KCNAB1: variants seen among roughly 807,000 people sequenced by gnomAD.
KCNAB1 encodes the protein voltage-gated potassium channel subunit beta-1.
Under a neutral mutation model 64.6 loss-of-function variants are expected in KCNAB1, and 35 were observed. That is an observed-to-expected ratio of 0.54 (90% CI 0.41 to 0.72). KCNAB1 has a LOEUF of 0.72. Among genes scored for constraint, KCNAB1 ranks in the 30% least tolerant of loss-of-function variants. The probability of loss-of-function intolerance (pLI) is 0.00; values close to 1 mark genes in which losing one functional copy is unlikely to be tolerated. For missense variants in KCNAB1, 401 were observed against 512.9 expected (o/e 0.78, Z 2.11); for synonymous variants, 177 against 183.8 (o/e 0.96, Z 0.30).
chr3:156,361,276 T>C (rs1725594802), intron 1 of KCNAB1, among the ~76,000 whole-genome samples: 1 of 152,054 alleles, frequency 6.6e-6, no homozygotes, highest in Non-Finnish European at 1.5e-5. Flanking sequence ...TCCCTAGCCA[T>C]CCACGTGGCT....
chr3:156,469,429 T>C (rs1356955911), intron 7 of KCNAB1, among the ~76,000 whole-genome samples: 1 of 151,944 alleles, frequency 6.6e-6, no homozygotes, highest in African/African-American at 2.4e-5. Context: ...GCTAATTTTT[T>C]TGTATTTTTA....
intron 1 of KCNAB1, among the ~76,000 whole-genome samples, chr3:156,359,325 A>G (rs1218052992): frequency 1.3e-5 from 2 of 152,158 alleles, no homozygotes; most frequent in African/African-American, 4.8e-5. Flanking sequence ...TTATGATATG[A>G]TAGTCCTCAG....
At chr3:156,127,918 T>TGTGTGTGTGTGC (rs33965119) in intron 1 of KCNAB1, among the ~76,000 whole-genome samples, 6 of 149,848 alleles carry the variant, frequency 4.0e-5, no homozygotes, top group African/African-American at 7.4e-5. Context: ...TGTGTGTGTG[T>TGTGTGTGTGTGC]GCACGTGCGT....
At chr3:156,243,511 A>T (rs1263480024) in intron 1 of KCNAB1, among the ~76,000 whole-genome samples, 6 of 152,224 alleles carry the variant, frequency 3.9e-5, no homozygotes, top group Non-Finnish European at 8.8e-5. Flanking sequence ...TATAGGCATG[A>T]GCCACCACGC....
chr3:156,423,005 A>T (rs1218245536), intron 2 of KCNAB1, among the ~76,000 whole-genome samples: 1 of 152,206 alleles, frequency 6.6e-6, no homozygotes, highest in Non-Finnish European at 1.5e-5. Flanking sequence ...CCAAGAATTG[A>T]CCATCGGGTT....
At chr3:156,330,314 C>G (rs76198189) in intron 1 of KCNAB1, among the ~76,000 whole-genome samples, 9,580 of 152,064 alleles carry the variant, frequency 0.063, 378 homozygotes, top group East Asian at 0.13. Flanking sequence ...CCCATTTCTT[C>G]CCATTAAAAA....
At position 156,335,030 on chromosome 3, in the gene KCNAB1, A is replaced by C. The variant is rs111894071; in HGVS notation, c.276-86586A>C. Among the ~76,000 whole-genome samples the C allele has an allele frequency of 1.1e-3, 170 of 152,328 alleles. 1 individual carries two copies. The highest frequency in any genetic ancestry group is 4.0e-3 in the African/African-American group (166 of 41,578). On this transcript the variant is annotated intron_variant, in intron 1 of 13. Coordinates refer to ENST00000490337, the MANE Select transcript of KCNAB1 (RefSeq NM_172160.3). The stretch of plus-strand genomic sequence containing the variant: ...GCTGCTAAATTGGTCTTCCAGAAAC[A>C]AATCGGATCACAATGCTTTCCTGCT...
chr3:156,158,526 T>C (rs1022835552), intron 1 of KCNAB1, among the ~76,000 whole-genome samples: 3 of 152,200 alleles, frequency 2.0e-5, no homozygotes, highest in African/African-American at 7.2e-5. Context: ...TTATCAGATA[T>C]AACTTGTTTT....
intron 1 of KCNAB1, among the ~76,000 whole-genome samples, chr3:156,184,731 C>T (rs1713081209): frequency 6.6e-6 from 1 of 152,182 alleles, no homozygotes; most frequent in African/African-American, 2.4e-5. Context: ...TCCTCTTTGC[C>T]TTCCTCCACC....
intron 1 of KCNAB1, among the ~76,000 whole-genome samples, chr3:156,356,492 A>T (rs182829635): frequency 6.9e-4 from 105 of 152,290 alleles, no homozygotes; most frequent in Admixed American, 2.6e-3. Flanking sequence ...AACCCCAAAG[A>T]GGGGCGGTGA....
intron 1 of KCNAB1, among the ~76,000 whole-genome samples, chr3:156,318,256 TACTC>T (rs1722419957): frequency 6.6e-6 from 1 of 152,176 alleles, no homozygotes; most frequent in South Asian, 2.1e-4. Flanking sequence ...TACTTGAAAA[TACTC>T]AGTTTTCATT....
At chr3:156,401,787 T>C (rs1713911322) in intron 1 of KCNAB1, among the ~76,000 whole-genome samples, 2 of 152,204 alleles carry the variant, frequency 1.3e-5, no homozygotes, top group Admixed American at 6.5e-5. Flanking sequence ...TAGAATATGT[T>C]CTTCTCTACA....
At chr3:156,288,775 C>A (rs973597048) in intron 1 of KCNAB1, among the ~76,000 whole-genome samples, 1 of 152,240 alleles carries the variant, frequency 6.6e-6, no homozygotes, top group Admixed American at 6.5e-5. Flanking sequence ...CTCATCTACA[C>A]ACAAGAGGTG....
At chr3:156,538,832 G>GAT (rs1719258349), downstream of KCNAB1, 2 of 152,120 alleles carry the variant, frequency 1.3e-5, no homozygotes, top group Admixed American at 6.5e-5. Flanking sequence ...AATCAATGGA[G>GAT]ATTAACTACT....
At chr3:156,281,424 C>A (rs1719705721) in intron 1 of KCNAB1, among the ~76,000 whole-genome samples, 1 of 149,988 alleles carries the variant, frequency 6.7e-6, no homozygotes, top group South Asian at 2.1e-4. Flanking sequence ...GTCTAAAATT[C>A]TCTTTTTTTG....
chr3:156,531,343 G>A (rs996782877), intron 12 of KCNAB1, 66 bp from the exon 13 acceptor site: 1 of 1,143,314 alleles, frequency 8.7e-7, no homozygotes, highest in African/African-American at 1.5e-5. Flanking sequence ...GCTGTAGCAG[G>A]TGTTTATAAG....
At chr3:156,439,630 ACT>A (rs1716856230) in intron 2 of KCNAB1, among the ~76,000 whole-genome samples, 1 of 152,088 alleles carries the variant, frequency 6.6e-6, no homozygotes, top group African/African-American at 2.4e-5. Flanking sequence ...AGAAAGTTCT[ACT>A]CTCTTATCGT....
Position 156,473,243 on chromosome 3 carries a change from A to G in KCNAB1, c.572-1491A>G, listed in dbSNP as rs371338553. Among the ~76,000 whole-genome samples the G allele has an allele frequency of 1.6e-4, 24 of 152,338 alleles. No homozygotes were observed. In the East Asian group the frequency reaches 2.1e-3, roughly 13 times the overall value. On this transcript the variant is annotated intron_variant, in intron 7 of 13. Transcript: ENST00000490337. The stretch of plus-strand genomic sequence containing the variant: ...CAGGAGCAGCAATTCTGAAGGTGTC[A>G]GTATTGTTAGGCCCACTGCAGACTA...
intron 1 of KCNAB1, among the ~76,000 whole-genome samples, chr3:156,336,061 C>T (rs1378614467): frequency 1.3e-5 from 2 of 151,934 alleles, no homozygotes; most frequent in African/African-American, 2.4e-5. Context: ...GAATCTAGAA[C>T]ATATTTAAAA....
Sources: allele counts gnomAD v4.1 joint callset (sites outside exome capture counted in the v4.1 genomes callset), GRCh38; gene constraint gnomAD v4.1.1; transcripts MANE v1.5; gene names NCBI Gene and HGNC (gene_info 2026-07-23, HGNC 2026-07-21).